The following DHX8 variants were observed in gnomAD, a reference collection of about 807,000 sequenced individuals.
DHX8 encodes ATP-dependent RNA helicase DHX8.
A neutral mutation model predicts 140.7 loss-of-function variants in DHX8; 67 were observed. The observed-to-expected ratio is 0.48, with a 90% CI of 0.39 to 0.58. The LOEUF (loss-of-function observed/expected upper bound fraction) is 0.58, where lower values mean the gene tolerates loss of function less well. DHX8 is among the 20% of genes least tolerant of loss of function. The pLI is 0.00. For synonymous variants in DHX8, 533 were observed against 553.2 expected, an observed-to-expected ratio of 0.96 and a Z score of 0.51; for missense variants, 887 against 1,550.7, an observed-to-expected ratio of 0.57 and a Z score of 7.19.
intron 3 of DHX8, among the ~76,000 whole-genome samples, chr17:43,541,532 G>A (rs1471918111): frequency 1.3e-5 from 2 of 152,070 alleles, no homozygotes; most frequent in African/African-American, 4.8e-5. Flanking sequence ...TTTCAAAAAG[G>A]GGGGTTAGTA....
Position 43,499,065 on chromosome 17 carries a change from A to G in DHX8, c.1398+106A>G, listed in dbSNP as rs1969036845. ...CGTAAGTAGAACTTGGGCCACAGAAAGTATTACTGGCTGTTAGCCAGGGTC... is the reference window on the plus strand; with the variant it reads ...CGTAAGTAGAACTTGGGCCACAGAAGGTATTACTGGCTGTTAGCCAGGGTC... On this transcript the variant is annotated intron_variant, in intron 10 of 22. Transcript: ENST00000262415. The G allele has an allele frequency of 7.5e-6, 6 of 803,840 alleles. No individual in the cohort carries two copies. The East Asian group carries it at 1.2e-4, about 17-fold the overall frequency. 49.8% of individuals were successfully genotyped at this position (803,840 alleles called of 1,614,324 possible). A position where few individuals can be genotyped will look rare whatever the true frequency, so the allele number is the denominator to read the frequency against.
At chr17:43,543,132 G>C (rs1343511774) in intron 3 of DHX8, among the ~76,000 whole-genome samples, 1 of 151,910 alleles carries the variant, frequency 6.6e-6, no homozygotes, top group Non-Finnish European at 1.5e-5. Flanking sequence ...CTGGGAACCT[G>C]AGCTGCTCCC....
intron 11 of DHX8, among the ~76,000 whole-genome samples, chr17:43,502,362 G>T (rs1403371437): frequency 2.0e-5 from 3 of 152,152 alleles, no homozygotes; most frequent in African/African-American, 7.2e-5. Flanking sequence ...AGACCAGTCT[G>T]GGCAACATAG....
chr17:43,529,037 T>A, downstream of DHX8: 1 of 1,140,186 alleles, frequency 8.8e-7, no homozygotes, highest in South Asian at 1.3e-5. Context: ...TATCTGATCC[T>A]ACAAAGTTGC....
In DHX8 at chr17:43,505,433, G is replaced by A. The variant is rs375059725; in HGVS notation, c.1728+608G>A. Among the ~76,000 whole-genome samples, 29 of 151,892 alleles carry A rather than the reference G, an allele frequency of 1.9e-4. 1 individual carries two copies. The South Asian group carries it at 4.4e-3, about 23-fold the overall frequency. ...AAAAAAAAAAAATTACCTGGGTGTG[G>A]TGGTCCATGCCTGTAATCCCAGCTA... On this transcript the variant is annotated intron_variant, in intron 12 of 22. Transcript: ENST00000262415.
intron 11 of DHX8, among the ~76,000 whole-genome samples, chr17:43,502,825 A>G (rs1018520310): frequency 6.6e-6 from 1 of 152,230 alleles, no homozygotes; most frequent in Non-Finnish European, 1.5e-5. Flanking sequence ...ATTGTTTAAC[A>G]ATATCATCTT....
rs1310595952 is a variant in DHX8, at chr17:43,507,933, A to G, written c.2234A>G (p.Glu745Gly). The G allele has an allele frequency of 3.7e-6, 6 of 1,614,100 alleles. No individual in the cohort carries two copies. Among genetic ancestry groups the G allele is most frequent in the East Asian group, 4.5e-5 (2 of 44,894 alleles). Reference sequence around the variant, plus strand: ...ATCCCAGGTCGAACATATCCAGTGGAAATACTGTACACAAAGGAACCTGAG... The same window carrying G: ...ATCCCAGGTCGAACATATCCAGTGGGAATACTGTACACAAAGGAACCTGAG... ...FTIPGRTYPV[E>G]ILYTKEPETD... The change falls in exon 15 of 23, where the codon GAA (glutamate) becomes GGA (glycine). Residue 745 changes from glutamate to glycine, a missense_variant. Coordinates refer to ENST00000262415, the MANE Select transcript of DHX8 (RefSeq NM_004941.3).
Position 43,508,032 on chromosome 17 carries a change from A to G in DHX8, c.2320+13A>G, listed in dbSNP as rs1969589954. The G allele has an allele frequency of 6.2e-7, 1 of 1,610,348 alleles. No individual in the cohort carries two copies. Among genetic ancestry groups the G allele is most frequent in the African/African-American group, 1.3e-5 (1 of 74,788 alleles). On this transcript the variant is annotated intron_variant, in intron 15 of 22. Coordinates refer to ENST00000262415, the MANE Select transcript of DHX8 (RefSeq NM_004941.3). Reference sequence around the variant, plus strand: ...ACAGAACCACCAGGTAAGGGGAAAAAGCAATTTTCCTTTTTGGGAGGCCTA... The same window carrying G: ...ACAGAACCACCAGGTAAGGGGAAAAGGCAATTTTCCTTTTTGGGAGGCCTA...
At chr17:43,514,240 G>C (rs1395220153) in intron 17 of DHX8, among the ~76,000 whole-genome samples, 1 of 152,140 alleles carries the variant, frequency 6.6e-6, no homozygotes, top group Non-Finnish European at 1.5e-5. Flanking sequence ...AGCTGCTTAA[G>C]AGTCTGAGGT....
At chr17:43,532,586 A>C (rs1971001877) in intron 2 of DHX8, 2 of 1,244,384 alleles carry the variant, frequency 1.6e-6, no homozygotes, top group Non-Finnish European at 2.2e-6. Flanking sequence ...ATGAAATGGT[A>C]AACAGCAATG....
intron 2 of DHX8, chr17:43,533,170 T>G: frequency 6.2e-7 from 1 of 1,612,298 alleles, no homozygotes; most frequent in Non-Finnish European, 8.5e-7. Context: ...GAGCAGTGGG[T>G]TTCCCTGTCT....
Position 43,524,603 on chromosome 17 carries a change from C to T in DHX8, c.*756C>T, listed in dbSNP as rs1598183371. 1.0e-6 allele frequency: 1 copy of T among 985,580 alleles called. No individual in the cohort carries two copies. The highest frequency in any genetic ancestry group is 1.2e-6 in the Non-Finnish European group (1 of 830,028). 61.1% of individuals were successfully genotyped at this position (985,580 alleles called of 1,614,324 possible). A position where few individuals can be genotyped will look rare whatever the true frequency, so the allele number is the denominator to read the frequency against. ...TTCAGTCTGGAGGCCTGAGTGGCTA[C>T]AGATGGCACATATTAAATACAGAAG... On this transcript the variant is annotated 3_prime_UTR_variant, in exon 23 of 23. Transcript: ENST00000262415.
At chr17:43,536,066 G>A (rs1235106264) in intron 2 of DHX8, among the ~76,000 whole-genome samples, 1 of 152,216 alleles carries the variant, frequency 6.6e-6, no homozygotes, top group East Asian at 1.9e-4. Context: ...AGCCGAGATT[G>A]TGCCACTGCA....
chr17:43,530,173 C>A, downstream of DHX8: 1 of 1,555,654 alleles, frequency 6.4e-7, no homozygotes, highest in Non-Finnish European at 8.7e-7. Flanking sequence ...GATGCGCACC[C>A]GGTGACATCT....
At chr17:43,498,583 GGGACTACA>G (rs1969008971) in intron 9 of DHX8, among the ~76,000 whole-genome samples, 2 of 151,794 alleles carry the variant, frequency 1.3e-5, no homozygotes, top group South Asian at 4.2e-4. Flanking sequence ...TTGAGTAGCT[GGGACTACA>G]GGTGCCCACC....
intron 16 of DHX8, 42 bp downstream of exon 16, chr17:43,508,562 A>G: frequency 1.4e-6 from 2 of 1,427,928 alleles, no homozygotes; most frequent in Non-Finnish European, 9.8e-7. Context: ...CCCTGAAACC[A>G]TGTGTTGTGT....
chr17:43,524,469 C>T lies in DHX8; in HGVS notation c.*622C>T, dbSNP rs950380843. 2.4e-5 allele frequency: 24 copies of T among 987,152 alleles called. No individual in the cohort carries two copies. Among genetic ancestry groups the T allele is most frequent in the Non-Finnish European group, 2.9e-5 (24 of 831,348 alleles). 61.1% of individuals were successfully genotyped at this position (987,152 alleles called of 1,614,324 possible). ...CCAGAACGCAGGGCCTCTTTGCGCT[C>T]GGAAACGACGTACAACCCAGACTTC... On this transcript the variant is annotated 3_prime_UTR_variant, in exon 23 of 23. Coordinates refer to ENST00000262415, the MANE Select transcript of DHX8 (RefSeq NM_004941.3).
chr17:43,507,653 A>G lies in DHX8; in HGVS notation c.2074A>G (p.Ile692Val), dbSNP rs199687744. The change falls in exon 14 of 23, where the codon ATT (isoleucine) becomes GTT (valine). Residue 692 changes from isoleucine (I) to valine (V), a missense_variant. Ile to Val is a conservative substitution (Grantham distance 29). Around this residue, in one of 9 missense-constraint regions of DHX8, gnomAD observed 178 missense variants for 398.5 expected, o/e 0.45. Transcript: ENST00000262415. Reference protein sequence around the residue: ...IMLDEAHERTIHTDVLFGLLK... With the variant: ...IMLDEAHERTVHTDVLFGLLK... ...GTTGGACGAGGCACATGAGAGGACA[A>G]TTCACACTGATGTGCTCTTTGGATT... 2.2e-4 allele frequency: 360 copies of G among 1,614,180 alleles called. No individual in the cohort carries two copies. The highest frequency in any genetic ancestry group is 1.3e-4 in the Non-Finnish European group (154 of 1,180,032).
chr17:43,528,531 G>A (rs948325065), downstream of DHX8: 1 of 1,608,658 alleles, frequency 6.2e-7, no homozygotes, highest in Non-Finnish European at 8.5e-7. Context: ...AGTAAGAGTA[G>A]CCACCCTTGG....
Sources: allele counts gnomAD v4.1 joint callset (sites outside exome capture counted in the v4.1 genomes callset), GRCh38; gene constraint gnomAD v4.1.1; regional missense constraint gnomAD v4.1.1; transcripts MANE v1.5; gene names NCBI Gene and HGNC (gene_info 2026-07-23, HGNC 2026-07-21).